The following RYR2 variants were observed in gnomAD, a reference collection of about 807,000 sequenced individuals.
RYR2 encodes cardiac muscle ryanodine receptor-calcium release channel.
RYR2 carries 227 observed loss-of-function variants against 601.1 expected under a neutral mutation model. The observed-to-expected ratio is 0.38, with a 90% CI of 0.34 to 0.42. The LOEUF (loss-of-function observed/expected upper bound fraction) is 0.42. RYR2 is among the 10% of genes least tolerant of loss of function. RYR2 has a pLI of 1.00. For synonymous variants in RYR2, 2,223 were observed against 2,175.1 expected, an observed-to-expected ratio of 1.02 and a Z score of -0.61; for missense variants, 4,646 against 6,156.5, an observed-to-expected ratio of 0.75 and a Z score of 8.21.
chr1:237,699,784 A>G (rs1687800449), intron 64 of RYR2, among the ~76,000 whole-genome samples: 1 of 152,252 alleles, frequency 6.6e-6, no homozygotes, highest in East Asian at 1.9e-4. Flanking sequence ...GCTTCATTAG[A>G]AAAGACTTGA....
At position 237,384,351 on chromosome 1, in the gene RYR2, C is replaced by T. The variant is rs560214091; in HGVS notation, c.577-2930C>T. ...TAAAATCAAGGTCGTTGGTTTGGCG[C>T]CAGCCTTTGTCTGTGGACCTATCAG... On this transcript the variant is annotated intron_variant, in intron 8 of 104. Coordinates refer to ENST00000366574, the MANE Select transcript of RYR2 (RefSeq NM_001035.3). Among the ~76,000 whole-genome samples the T allele has an allele frequency of 2.6e-5, 4 of 152,336 alleles. No individual in the cohort carries two copies. The South Asian group carries it at 6.2e-4, about 24-fold the overall frequency.
chr1:237,196,884 C>T (rs1283261655), intron 1 of RYR2, among the ~76,000 whole-genome samples: 4 of 152,000 alleles, frequency 2.6e-5, no homozygotes, highest in African/African-American at 9.7e-5. Context: ...TAATATCGAG[C>T]CTTTCTATCC....
At chr1:237,057,514 G>A (rs1662321478) in intron 1 of RYR2, among the ~76,000 whole-genome samples, 1 of 152,086 alleles carries the variant, frequency 6.6e-6, no homozygotes, top group South Asian at 2.1e-4. Context: ...GATCATTATG[G>A]GAGTCTCTGC....
chr1:237,071,039 A>G (rs12083140), intron 1 of RYR2, among the ~76,000 whole-genome samples: 2,950 of 152,286 alleles, frequency 0.019, 90 homozygotes, highest in African/African-American at 0.067. Flanking sequence ...CGGTCCTGCC[A>G]GGTCCCAAGT....
intron 70 of RYR2, among the ~76,000 whole-genome samples, chr1:237,710,699 G>GTAGA (rs56034841): frequency 1.3e-4 from 20 of 150,528 alleles, no homozygotes; most frequent in Non-Finnish European, 1.2e-4. Context: ...GATTAGGTAT[G>GTAGA]TAGATAGATA....
chr1:237,764,099 G>A (rs1006670645), intron 84 of RYR2, among the ~76,000 whole-genome samples: 4 of 152,142 alleles, frequency 2.6e-5, no homozygotes, highest in African/African-American at 7.2e-5. Context: ...TCCTAATGAC[G>A]ACAATATGAC....
At chr1:237,069,755 G>T (rs960580154) in intron 1 of RYR2, among the ~76,000 whole-genome samples, 2 of 152,074 alleles carry the variant, frequency 1.3e-5, no homozygotes, top group Non-Finnish European at 2.9e-5. Flanking sequence ...TATTTTCAAA[G>T]CTACTCCAGC....
chr1:237,054,334 C>G (rs1355822262), intron 1 of RYR2, among the ~76,000 whole-genome samples: 1 of 140,926 alleles, frequency 7.1e-6, no homozygotes, highest in Non-Finnish European at 1.6e-5. Context: ...CTCCCCCCTC[C>G]CCCCCTCCCT....
At chr1:237,506,243 AGAATATCAT>A (rs1665224689) in intron 22 of RYR2, among the ~76,000 whole-genome samples, 1 of 151,914 alleles carries the variant, frequency 6.6e-6, no homozygotes, top group South Asian at 2.1e-4. Flanking sequence ...ATTTATTTAA[AGAATATCAT>A]GAAGGCTGGG....
intron 47 of RYR2, among the ~76,000 whole-genome samples, chr1:237,641,647 T>A (rs959409228): frequency 6.6e-6 from 1 of 152,094 alleles, no homozygotes; most frequent in African/African-American, 2.4e-5. Context: ...GTTCAAGTGA[T>A]TCTCCTGCCT....
In RYR2 at chr1:237,732,049, C is replaced by T. The variant is rs1558307337; in HGVS notation, c.10939C>T (p.Pro3647Ser). 1 of 1,595,456 alleles carries T rather than the reference C, an allele frequency of 6.3e-7. No individual in the cohort carries two copies. Among genetic ancestry groups the T allele is most frequent in the Non-Finnish European group, 8.5e-7 (1 of 1,170,012 alleles). Reference protein sequence around the residue: ...EDKLIEDLAKPGAEPPEEDEG... With the variant: ...EDKLIEDLAKSGAEPPEEDEG... ...TATAAATTTGACTTTTTTGCAGAAA[C>T]CTGGGGCTGAACCTCCAGAAGAAGA... The change falls in exon 78 of 105, where the codon CCT (proline) becomes TCT (serine). Residue 3647 changes from proline (P) to serine (S), a missense_variant. Pro to Ser is a moderately conservative substitution (Grantham distance 74). This residue lies in a region of RYR2 where 1,497 missense variants were observed against 1,842.6 expected (regional missense o/e 0.81). Transcript: ENST00000366574.
At chr1:237,577,527 TGTGTGTGTGC>T (rs770028571) in intron 29 of RYR2, among the ~76,000 whole-genome samples, 2,488 of 74,726 alleles carry the variant, frequency 0.033, 54 homozygotes, top group Non-Finnish European at 0.046. Context: ...TGTGTGTGTG[TGTGTGTGTGC>T]GTGTGTGTGT....
intron 16 of RYR2, among the ~76,000 whole-genome samples, chr1:237,464,785 A>C (rs113749174): frequency 1.3e-5 from 2 of 152,156 alleles, no homozygotes; most frequent in Admixed American, 1.3e-4. Flanking sequence ...TTAATTCTAC[A>C]TTGTGGGCCT....
At chr1:237,676,639 G>T (rs1457439075) in intron 60 of RYR2, among the ~76,000 whole-genome samples, 1 of 152,098 alleles carries the variant, frequency 6.6e-6, no homozygotes, top group East Asian at 1.9e-4. Context: ...CATTGTTATC[G>T]CAAGTGAAAC....
chr1:237,320,021 G>T (rs1019906476), intron 2 of RYR2, among the ~76,000 whole-genome samples: 4 of 152,146 alleles, frequency 2.6e-5, no homozygotes, highest in African/African-American at 9.7e-5. Flanking sequence ...CACATTAGTC[G>T]AGCTGTGGGG....
Position 237,660,064 on chromosome 1 carries a change from T to C in RYR2, c.8288T>C (p.Leu2763Ser). The change falls in exon 55 of 105, where the codon TTG becomes TCG. Residue 2763 changes from leucine to serine, a missense_variant. Leu to Ser is a moderately radical substitution (Grantham distance 145, BLOSUM62 -2). Around this residue, in one of 17 missense-constraint regions of RYR2, gnomAD observed 1,497 missense variants for 1,842.6 expected, o/e 0.81. Transcript: ENST00000366574. ...VQPLMKPYKL[L>S]SEKEKEIYRW... ...CCATTAATGAAGCCATATAAGCTAT[T>C]GTCTGAAAAGGTAAGGATTTTTTGT... 1.3e-6 allele frequency: 2 copies of C among 1,542,600 alleles called. No homozygotes were observed. Among genetic ancestry groups the C allele is most frequent in the Non-Finnish European group, 8.7e-7 (1 of 1,145,434 alleles).
chr1:237,224,738 T>C (rs1435259819), intron 1 of RYR2, among the ~76,000 whole-genome samples: 6 of 152,244 alleles, frequency 3.9e-5, no homozygotes, highest in Non-Finnish European at 7.4e-5. Flanking sequence ...TACACACCTA[T>C]AGTCCTAGCT....
At chr1:237,165,343 A>G (rs1245333301) in intron 1 of RYR2, among the ~76,000 whole-genome samples, 1 of 152,222 alleles carries the variant, frequency 6.6e-6, no homozygotes, top group Non-Finnish European at 1.5e-5. Flanking sequence ...GTTCATGGGC[A>G]GACTCCTGCT....
At chr1:237,410,467 T>A (rs1445822989) in intron 10 of RYR2, among the ~76,000 whole-genome samples, 2 of 152,252 alleles carry the variant, frequency 1.3e-5, no homozygotes, top group Non-Finnish European at 2.9e-5. Context: ...ATAATATGGG[T>A]AGAATATTCT....
Sources: gnomAD v4.1 joint callset for allele counts (sites outside exome capture counted in the v4.1 genomes callset) on GRCh38, gnomAD v4.1.1 for gene constraint, gnomAD v4.1.1 regional missense constraint, MANE v1.5 for transcripts, NCBI Gene and HGNC (gene_info 2026-07-23, HGNC 2026-07-21) for gene names.